The following PPM1K variants were observed in gnomAD, a reference collection of about 807,000 sequenced individuals.
The protein encoded by PPM1K is protein phosphatase Mn(2+)-dependent 1K.
In PPM1K, 19 loss-of-function variants were observed where a neutral mutation model predicts 32.6. The ratio of observed to expected loss-of-function variants is 0.58; its 90% confidence interval spans 0.41 to 0.86. The LOEUF (loss-of-function observed/expected upper bound fraction) is 0.86, where lower values mean the gene tolerates loss of function less well. Among genes scored for constraint, PPM1K ranks in the 40% least tolerant of loss-of-function variants. PPM1K has a pLI of 0.00. For missense variants in PPM1K, 362 were observed against 461.2 expected, an observed-to-expected ratio of 0.78 and a Z score of 1.97; for synonymous variants, 159 against 165.3, an observed-to-expected ratio of 0.96 and a Z score of 0.29.
Position 88,278,437 on chromosome 4 carries a change from C to A in PPM1K, c.147G>T (p.Arg49=), listed in dbSNP as rs765734422. ...GACTCCCACTACCATCTGGGTCAAA[C>A]CGAGAACACCTAGGCTCTGAAGTGG... The part of the protein sequence containing the change: ...HSSTSEPRCS[R]FDPDGSGSPA... Residue 49 remains arginine (R), a synonymous_variant, in exon 2 of 7, where the codon CGG becomes CGT. Coordinates refer to ENST00000608933, the MANE Select transcript of PPM1K (RefSeq NM_152542.5). This position sits in a 1 kb window ranked among gnomAD's most constrained non-coding sequence, Gnocchi z 4.2. 6.2e-7 allele frequency: 1 copy of A among 1,614,208 alleles called. No individual in the cohort carries two copies. Among genetic ancestry groups the A allele is most frequent in the African/African-American group, 1.3e-5 (1 of 75,044 alleles).
rs1375153972 is a variant in PPM1K at position 88,262,742 on chromosome 4, G to A, written c.988-16C>T. On this transcript the variant is annotated splice_polypyrimidine_tract_variant and intron_variant, in intron 6 of 6. Transcript: ENST00000608933. ...ACTGTATTGCCTGCAAGGTTTGGCA[G>A]GAAGAAAGAGAAAAACATTGGAAAT... 2.5e-6 allele frequency: 4 copies of A among 1,582,812 alleles called. No homozygotes were observed. The South Asian group carries it at 3.5e-5, about 14-fold the overall frequency.
At position 88,262,586 on chromosome 4, in the gene PPM1K, A is replaced by G; in HGVS notation, c.*9T>C. 1 of 1,613,106 alleles carries G rather than the reference A, an allele frequency of 6.2e-7. No homozygotes were observed. The highest frequency in any genetic ancestry group is 1.1e-5 in the South Asian group (1 of 90,930). On this transcript the variant is annotated 3_prime_UTR_variant, in exon 7 of 7. Transcript: ENST00000608933. ...CTGTTGCACAGAAACTCTAAGTCCC[A>G]GCTGGTAATCAGGCCCATCGTCCAC...
chr4:88,269,255 T>G (rs905755862), intron 3 of PPM1K, among the ~76,000 whole-genome samples: 3 of 152,150 alleles, frequency 2.0e-5, no homozygotes, highest in Admixed American at 6.5e-5. Context: ...CTGAAAGTAT[T>G]AAAATTTAAT....
chr4:88,269,288 T>C (rs1004927928), intron 3 of PPM1K, among the ~76,000 whole-genome samples: 15 of 152,218 alleles, frequency 9.9e-5, no homozygotes, highest in Non-Finnish European at 2.9e-5. Context: ...GATGGTGGGA[T>C]GACTTAGGTC....
chr4:88,274,421 A>C (rs779592788), intron 3 of PPM1K, among the ~76,000 whole-genome samples: 6 of 152,140 alleles, frequency 3.9e-5, no homozygotes, highest in Non-Finnish European at 8.8e-5. Context: ...ATAATTATTG[A>C]GTACCTGCCA....
In PPM1K at chr4:88,278,277, T is replaced by G. The variant is rs375760504; in HGVS notation, c.307A>C (p.Lys103Gln). 6.2e-7 allele frequency: 1 copy of G among 1,614,226 alleles called. No individual in the cohort carries two copies. Residue 103 changes from lysine to glutamine, a missense_variant, in exon 2 of 7, where the codon AAA becomes CAA. Coordinates refer to ENST00000608933, the MANE Select transcript of PPM1K (RefSeq NM_152542.5). The surrounding 1 kb of genome is among the most constrained non-coding windows in gnomAD (Gnocchi z 4.2). ...ENVGCASQIG[K>Q]RKENEDRFDF... ...AACCGATCTTCATTCTCTTTCCGTT[T>G]GCCAATCTGTGAGGCGCACCCCACA...
chr4:88,283,457 G>A (rs945732493), intron 1 of PPM1K, among the ~76,000 whole-genome samples: 15 of 152,182 alleles, frequency 9.9e-5, no homozygotes, highest in Admixed American at 9.8e-4. Flanking sequence ...CGCTCATTCT[G>A]AAACCGAAGG....
intron 5 of PPM1K, among the ~76,000 whole-genome samples, chr4:88,267,532 C>T (rs529107704): frequency 6.6e-6 from 1 of 152,304 alleles, no homozygotes; most frequent in Non-Finnish European, 1.5e-5. Flanking sequence ...TGAGGGAAGC[C>T]AAAATATTTC....
chr4:88,278,744 A>G lies in PPM1K; in HGVS notation c.-59-102T>C. ...AGAGAGACCATCAGAAATTTTGAAT[A>G]TAACTGATATGTCATCAAATATTAC... On this transcript the variant is annotated intron_variant, in intron 1 of 6. Coordinates refer to ENST00000608933, the MANE Select transcript of PPM1K (RefSeq NM_152542.5). The surrounding 1 kb of genome is among the most constrained non-coding windows in gnomAD (Gnocchi z 4.2). 5.0e-6 allele frequency: 3 copies of G among 601,514 alleles called. No individual in the cohort carries two copies. The highest frequency in any genetic ancestry group is 6.3e-5 in the Admixed American group (2 of 31,902). The allele number at this position is 601,514 out of a possible 1,614,324, so 37.3% of individuals were successfully genotyped here. A position where few individuals can be genotyped will look rare whatever the true frequency, so the allele number is the denominator to read the frequency against.
In PPM1K at chr4:88,265,010, C is replaced by T. The variant is rs34981823; in HGVS notation, c.978G>A (p.Val326=). The T allele has an allele frequency of 4.6e-3, 7,475 of 1,613,966 alleles. 253 individuals are homozygous for T. In the African/African-American group the frequency reaches 0.08, roughly 17 times the overall value. ...AGAAGCTCTGGGTCACCTGTTCAGT[C>T]ACCGCATGGGCTGCTTCGTTGGGAT... ...CHDPNEAAHA[V]TEQAIQYGTE... The change falls in exon 6 of 7, where the codon GTG becomes GTA. Residue 326 remains valine, a synonymous_variant. Coordinates refer to ENST00000608933, the MANE Select transcript of PPM1K (RefSeq NM_152542.5).
At chr4:88,262,844 T>C (rs1002466220) in intron 6 of PPM1K, 118 bp from the exon 7 acceptor site, 10 of 1,086,452 alleles carry the variant, frequency 9.2e-6, no homozygotes, top group Middle Eastern at 6.1e-4. Flanking sequence ...ACTGGTCTTA[T>C]GTGCAGTTAC....
chr4:88,275,346 T>A, intron 3 of PPM1K: 1 of 971,364 alleles, frequency 1.0e-6, no homozygotes, highest in Non-Finnish European at 1.2e-6. Flanking sequence ...TTTATACAAC[T>A]GTTTAATGTT....
chr4:88,271,958 G>T (rs984643110), intron 3 of PPM1K, among the ~76,000 whole-genome samples: 6 of 152,062 alleles, frequency 3.9e-5, no homozygotes, highest in Non-Finnish European at 7.4e-5. Flanking sequence ...TCACAAAATG[G>T]GTATTTCTGC....
In PPM1K at chr4:88,261,598, A is replaced by C. The variant is rs1731115129; in HGVS notation, c.*997T>G. ...CTTAACTACAGAAAAATAGGAATAA[A>C]TGGAGGGGAGGGCTGATGAGACAGC... On this transcript the variant is annotated 3_prime_UTR_variant, in exon 7 of 7. Transcript: ENST00000608933. The C allele has an allele frequency of 6.6e-6, 1 of 152,284 alleles. No individual in the cohort carries two copies. Among genetic ancestry groups the C allele is most frequent in the South Asian group, 2.1e-4 (1 of 4,824 alleles). The allele number at this position is 152,284 out of a possible 1,614,324, so 9.4% of individuals were successfully genotyped here. A position where few individuals can be genotyped will look rare whatever the true frequency, so the allele number is the denominator to read the frequency against.
chr4:88,279,784 G>C (rs752131289), intron 1 of PPM1K: 1 of 152,150 alleles, frequency 6.6e-6, no homozygotes, highest in Admixed American at 6.5e-5. Flanking sequence ...AAATCAACTT[G>C]AAAAGATGGC....
In PPM1K at chr4:88,268,427, C is replaced by A. The variant is rs919781319; in HGVS notation, c.708-93G>T. 26 of 1,421,352 alleles carry A rather than the reference C, an allele frequency of 1.8e-5. No homozygotes were observed. The African/African-American group carries it at 3.4e-4, about 19-fold the overall frequency. 88.0% of individuals were successfully genotyped at this position (1,421,352 alleles called of 1,614,324 possible). On this transcript the variant is annotated intron_variant, in intron 4 of 6. Transcript: ENST00000608933. ...CACGAGGTCAGGAGATCGAGACCATCCTGGCTAACACGGTGAAACCCCGTC... is the reference window on the plus strand; with the variant it reads ...CACGAGGTCAGGAGATCGAGACCATACTGGCTAACACGGTGAAACCCCGTC...
intron 5 of PPM1K, 31 bp downstream of exon 5, chr4:88,268,159 G>A: frequency 6.2e-7 from 1 of 1,610,778 alleles, no homozygotes; most frequent in Non-Finnish European, 8.5e-7. Flanking sequence ...CTCTCCGCAG[G>A]TTTATCAAGT....
At position 88,278,351 on chromosome 4, in the gene PPM1K, G is replaced by C. The variant is rs1220112635; in HGVS notation, c.233C>G (p.Pro78Arg). ...DNRIDEPILLPPSIKYGKPIP... is the reference protein window; with the variant it reads ...DNRIDEPILLRPSIKYGKPIP... ...TGGCTTGCCATACTTAATGCTGGGT[G>C]GCAGCAGAATTGGCTCATCAATGCG... is the stretch of plus-strand genomic sequence containing the variant. Residue 78 changes from proline to arginine, a missense_variant, in exon 2 of 7, where the codon CCA (proline) becomes CGA (arginine). Coordinates refer to ENST00000608933, the MANE Select transcript of PPM1K (RefSeq NM_152542.5). The surrounding 1 kb of genome is among the most constrained non-coding windows in gnomAD (Gnocchi z 4.2). 6.8e-6 allele frequency: 11 copies of C among 1,614,188 alleles called. No homozygotes were observed. Among genetic ancestry groups the C allele is most frequent in the Non-Finnish European group, 8.5e-6 (10 of 1,180,038 alleles).
Position 88,262,733 on chromosome 4 carries a change from G to A in PPM1K, c.988-7C>T. 2 of 1,589,100 alleles carry A rather than the reference G, an allele frequency of 1.3e-6. No homozygotes were observed. The highest frequency in any genetic ancestry group is 1.7e-6 in the Non-Finnish European group (2 of 1,170,766). ...CAGTACCGTACTGTATTGCCTGCAA[G>A]GTTTGGCAGGAAGAAAGAGAAAAAC... On this transcript the variant is annotated splice_polypyrimidine_tract_variant and splice_region_variant and intron_variant, in intron 6 of 6. Transcript: ENST00000608933.
Sources: gnomAD v4.1 joint callset for allele counts (sites outside exome capture counted in the v4.1 genomes callset) on GRCh38, gnomAD v4.1.1 for gene constraint, Gnocchi (gnomAD v3.1) non-coding constraint, MANE v1.5 for transcripts, NCBI Gene and HGNC (gene_info 2026-07-23, HGNC 2026-07-21) for gene names.